Variants in STIM2 observed in about 807,000 individuals in gnomAD.
STIM2 encodes the protein stromal interaction molecule 2.
In STIM2, 31 loss-of-function variants were observed where a neutral mutation model predicts 85.8. The ratio of observed to expected loss-of-function variants is 0.36; its 90% CI spans 0.27 to 0.49. The LOEUF (loss-of-function observed/expected upper bound fraction) is 0.49. Ranked by LOEUF, STIM2 falls within the 20% of genes least tolerant of loss-of-function variation. The pLI is 0.98. For missense variants in STIM2, 841 were observed against 927.6 expected (o/e 0.91, Z 1.21); for synonymous variants, 356 against 331.1 (o/e 1.08, Z -0.82).
intron 4 of STIM2, among the ~76,000 whole-genome samples, chr4:26,995,774 T>C (rs1342862490): frequency 2.6e-5 from 4 of 152,072 alleles, no homozygotes; most frequent in Admixed American, 1.3e-4. Context: ...GGGTCAACTT[T>C]TGGCCAATCT....
At chr4:26,945,292 TGTGTAGTATTCCATG>T (rs1229800504) in intron 2 of STIM2, among the ~76,000 whole-genome samples, 1 of 152,240 alleles carries the variant, frequency 6.6e-6, no homozygotes, top group Non-Finnish European at 1.5e-5. Context: ...TTTTTATGGC[TGTGTAGTATTCCATG>T]GTGTAAATGT....
rs1381581263 is a variant in STIM2, at chr4:27,023,757, T to C, written c.*761T>C. ...TGCAGGCTGTATGATAAAACACACA[T>C]AATTTAAAGAGAGAAGGCTCTTGAT... On this transcript the variant is annotated 3_prime_UTR_variant, in exon 12 of 12. Coordinates refer to ENST00000467087, the MANE Select transcript of STIM2 (RefSeq NM_020860.4). The C allele has an allele frequency of 6.6e-6, 1 of 152,660 alleles. No individual in the cohort carries two copies. Among genetic ancestry groups the C allele is most frequent in the Non-Finnish European group, 1.5e-5 (1 of 68,044 alleles). 9.5% of individuals were successfully genotyped at this position (152,660 alleles called of 1,614,324 possible).
At chr4:26,905,541 G>C (rs565674249) in intron 1 of STIM2, among the ~76,000 whole-genome samples, 7 of 152,308 alleles carry the variant, frequency 4.6e-5, no homozygotes, top group African/African-American at 1.7e-4. Flanking sequence ...AATCAAGAAA[G>C]AGTGTTTGAC....
intron 1 of STIM2, among the ~76,000 whole-genome samples, chr4:26,880,624 T>TATATATATAAATATATATGTAA (rs1560192476): frequency 6.8e-5 from 10 of 146,546 alleles, no homozygotes; most frequent in African/African-American, 1.5e-4. Context: ...TATATGTAAA[T>TATATATATAAATATATATGTAA]ATATATATAA....
intron 1 of STIM2, among the ~76,000 whole-genome samples, chr4:26,872,821 T>A (rs1043782052): frequency 2.9e-4 from 44 of 152,206 alleles, no homozygotes; most frequent in Non-Finnish European, 5.3e-4. Flanking sequence ...GGGTACTTTT[T>A]AATTTAGGTA....
intron 1 of STIM2, chr4:26,861,694 GA>G (rs1722207091): frequency 3.1e-5 from 5 of 161,122 alleles, no homozygotes; most frequent in Middle Eastern, 2.3e-3. Flanking sequence ...GGACTGGGCT[GA>G]TTTTTTTTTT....
intron 3 of STIM2, among the ~76,000 whole-genome samples, chr4:26,983,481 A>T (rs564191770): frequency 6.6e-6 from 1 of 152,380 alleles, no homozygotes; most frequent in East Asian, 1.9e-4. Context: ...TTTGTGAATT[A>T]TTAGATTTTT....
intron 1 of STIM2, among the ~76,000 whole-genome samples, chr4:26,885,867 A>ATGTG (rs1164449078): frequency 8.9e-6 from 1 of 112,546 alleles, no homozygotes; most frequent in Non-Finnish European, 1.9e-5. Context: ...ATATATATAT[A>ATGTG]TATATATGTA....
intron 3 of STIM2, among the ~76,000 whole-genome samples, chr4:26,980,718 G>A (rs1253301100): frequency 6.6e-6 from 1 of 152,152 alleles, no homozygotes; most frequent in African/African-American, 2.4e-5. Context: ...TAAAAAGACT[G>A]CTAAAATTTC....
At chr4:26,910,874 G>A (rs992340452) in intron 1 of STIM2, among the ~76,000 whole-genome samples, 2 of 152,072 alleles carry the variant, frequency 1.3e-5, no homozygotes, top group African/African-American at 4.8e-5. Flanking sequence ...ATCAGAATAT[G>A]GTAACTTTTT....
At chr4:26,871,498 A>G (rs1722608352) in intron 1 of STIM2, among the ~76,000 whole-genome samples, 2 of 152,200 alleles carry the variant, frequency 1.3e-5, no homozygotes, top group Admixed American at 1.3e-4. Context: ...TATGACTCCT[A>G]TAAAATATAT....
intron 1 of STIM2, among the ~76,000 whole-genome samples, chr4:26,917,511 G>A (rs1724629151): frequency 6.6e-6 from 1 of 152,132 alleles, no homozygotes; most frequent in African/African-American, 2.4e-5. Context: ...TTAACATCTT[G>A]AAGTAGACTT....
intron 3 of STIM2, among the ~76,000 whole-genome samples, chr4:26,987,363 G>T (rs1727617132): frequency 6.6e-6 from 1 of 152,168 alleles, no homozygotes; most frequent in Admixed American, 6.5e-5. Context: ...GCAGAATCAG[G>T]AACCTCATTC....
chr4:26,864,527 T>G (rs1722324307), intron 1 of STIM2, among the ~76,000 whole-genome samples: 1 of 152,108 alleles, frequency 6.6e-6, no homozygotes, highest in African/African-American at 2.4e-5. Context: ...AAACATTACA[T>G]TATTTCTTAC....
Position 26,939,477 on chromosome 4 carries a change from G to A in STIM2, c.283-18135G>A, listed in dbSNP as rs537336693. 3.3e-5 allele frequency among the ~76,000 whole-genome samples: 5 copies of A among 152,152 alleles called. 1 individual carries two copies. The highest frequency in any genetic ancestry group is 6.5e-5 in the Admixed American group (1 of 15,274). The stretch of plus-strand genomic sequence containing the variant: ...CTTACTGGATCTAAAGGGCTGAATC[G>A]GATAAAGATAACTTTTTAAAATTAA... On this transcript the variant is annotated intron_variant, in intron 2 of 11. Transcript: ENST00000467087.
At chr4:26,897,769 TTTTA>T (rs1723765822) in intron 1 of STIM2, among the ~76,000 whole-genome samples, 1 of 152,266 alleles carries the variant, frequency 6.6e-6, no homozygotes, top group Middle Eastern at 3.4e-3. Flanking sequence ...CAAATATGTA[TTTTA>T]TTTATTTTTT....
intron 10 of STIM2, among the ~76,000 whole-genome samples, chr4:27,014,342 C>T (rs1204537149): frequency 6.6e-6 from 1 of 151,816 alleles, no homozygotes; most frequent in Non-Finnish European, 1.5e-5. Context: ...CCTTAGCCAC[C>T]TCCACAAGTT....
intron 3 of STIM2, among the ~76,000 whole-genome samples, chr4:26,989,920 A>G (rs184023673): frequency 6.6e-6 from 1 of 152,300 alleles, no homozygotes; most frequent in Admixed American, 6.5e-5. Flanking sequence ...AAAAATCTCT[A>G]CAAAGAAAAT....
chr4:26,870,742 T>C (rs1358820252), intron 1 of STIM2, among the ~76,000 whole-genome samples: 2 of 152,138 alleles, frequency 1.3e-5, no homozygotes, highest in Non-Finnish European at 2.9e-5. Context: ...TCACCCTAGC[T>C]TGTAGTCTAC....
Sources: allele counts gnomAD v4.1 joint callset (sites outside exome capture counted in the v4.1 genomes callset), GRCh38; gene constraint gnomAD v4.1.1; transcripts MANE v1.5; gene names NCBI Gene and HGNC (gene_info 2026-07-23, HGNC 2026-07-21).